Variants in SMG1 observed in about 807,000 individuals in gnomAD.
SMG1 encodes the protein SMG1 nonsense mediated mRNA decay associated PI3K related kinase.
SMG1 carries 22 observed loss-of-function variants against 419.9 expected under a neutral mutation model. The observed-to-expected ratio is 0.05, with a 90% CI of 0.04 to 0.07. The LOEUF (loss-of-function observed/expected upper bound fraction) is 0.07, where lower values mean the gene tolerates loss of function less well. SMG1 is among the 10% of genes least tolerant of loss of function. SMG1 has a pLI of 1.00. For missense variants in SMG1, 3,185 were observed against 4,342.0 expected (o/e 0.73, Z 7.49); for synonymous variants, 1,538 against 1,553.5 (o/e 0.99, Z 0.23).
At chr16:18,864,217 T>C (rs35499306) in intron 23 of SMG1, 73 bp from the exon 24 acceptor site, 5 of 1,250,938 alleles carry the variant, frequency 4.0e-6, no homozygotes, top group Non-Finnish European at 5.3e-6. Context: ...TTTTTTGTGA[T>C]GAAGTTTTGC....
intron 1 of SMG1, among the ~76,000 whole-genome samples, chr16:18,909,848 C>T (rs1373015090): frequency 1.3e-5 from 2 of 151,980 alleles, no homozygotes; most frequent in African/African-American, 4.8e-5. Context: ...GTATAAGACA[C>T]CTAGGAAACT....
chr16:18,882,049 TAC>T, intron 10 of SMG1, 114 bp downstream of exon 10: 1 of 666,130 alleles, frequency 1.5e-6, no homozygotes, highest in Non-Finnish European at 2.4e-6. Flanking sequence ...TATACATACA[TAC>T]ATACATGCTA....
intron 3 of SMG1, among the ~76,000 whole-genome samples, chr16:18,893,925 C>T (rs1296603382): frequency 2.6e-5 from 4 of 151,840 alleles, no homozygotes; most frequent in Non-Finnish European, 5.9e-5. Flanking sequence ...GGCGTGGTGG[C>T]GCGCTCCTGT....
chr16:18,921,411 TTTTA>T (rs1344030685), intron 1 of SMG1, among the ~76,000 whole-genome samples: 2 of 152,142 alleles, frequency 1.3e-5, no homozygotes, highest in African/African-American at 4.8e-5. Flanking sequence ...TATTTTTCAT[TTTTA>T]TTTTTTAGTT....
chr16:18,839,861 A>G lies in SMG1; in HGVS notation c.6782T>C (p.Leu2261Ser). ...ATCCAGGCTAAGCCCAACTGTTTTCAAAGCAGGGCCAATTTTACTGTAATA... is the reference window on the plus strand; with the variant it reads ...ATCCAGGCTAAGCCCAACTGTTTTCGAAGCAGGGCCAATTTTACTGTAATA... ...ELYYSKIGPA[L>S]KTVGLSLDVS... The change falls in exon 42 of 63, where the codon TTG becomes TCG. Residue 2261 changes from leucine to serine, a missense_variant. Physicochemically the swap from Leu to Ser is moderately radical, Grantham distance 145 (BLOSUM62 -2). This residue lies in a region of SMG1 where 132 missense variants were observed against 151.0 expected (regional missense o/e 0.87). Coordinates refer to ENST00000446231, the MANE Select transcript of SMG1 (RefSeq NM_015092.5). 1 of 1,613,520 alleles carries G rather than the reference A, an allele frequency of 6.2e-7. No homozygotes were observed. Among genetic ancestry groups the G allele is most frequent in the Non-Finnish European group, 8.5e-7 (1 of 1,179,622 alleles).
intron 6 of SMG1, among the ~76,000 whole-genome samples, chr16:18,886,513 T>A (rs1325040325): frequency 6.6e-6 from 1 of 152,130 alleles, no homozygotes; most frequent in Non-Finnish European, 1.5e-5. Context: ...CAGAAAACCA[T>A]CATTTTAGGC....
At chr16:18,818,880 G>A (rs910386115) in intron 56 of SMG1, among the ~76,000 whole-genome samples, 7 of 143,582 alleles carry the variant, frequency 4.9e-5, no homozygotes, top group Non-Finnish European at 9.0e-5. Flanking sequence ...TCAGTGGCAC[G>A]ATCTTGGATC....
At chr16:18,892,175 G>A (rs1434832768) in intron 4 of SMG1, 43 bp downstream of exon 4, 2 of 1,333,630 alleles carry the variant, frequency 1.5e-6, no homozygotes, top group East Asian at 2.5e-5. Context: ...AGTTTATTAT[G>A]GAAACACAAA....
rs763379493 is a variant in SMG1 at position 18,809,600 on chromosome 16, T to C, written c.10955A>G (p.Gln3652Arg). The change falls in exon 63 of 63, where the codon CAG becomes CGG. Residue 3652 changes from glutamine to arginine, a missense_variant. Transcript: ENST00000446231. Reference sequence around the variant, plus strand: ...CCAGGCTGTCCAACCTTCATACAGCTGAGCCAAGTTATCTAGATTAGTTGC... The same window carrying C: ...CCAGGCTGTCCAACCTTCATACAGCCGAGCCAAGTTATCTAGATTAGTTGC... Reference protein sequence around the residue: ...KEATNLDNLAQLYEGWTAWV With the variant: ...KEATNLDNLARLYEGWTAWV 6 of 1,611,882 alleles carry C rather than the reference T, an allele frequency of 3.7e-6. No homozygotes were observed. Among genetic ancestry groups the C allele is most frequent in the Non-Finnish European group, 5.1e-6 (6 of 1,178,976 alleles).
intron 51 of SMG1, among the ~76,000 whole-genome samples, chr16:18,832,211 T>G (rs2033233681): frequency 6.6e-6 from 1 of 151,840 alleles, no homozygotes; most frequent in African/African-American, 2.4e-5. Flanking sequence ...AATTAGACAT[T>G]GGAACGCCAA....
chr16:18,841,942 G>T, intron 40 of SMG1, 148 bp from the exon 41 acceptor site: 1 of 751,082 alleles, frequency 1.3e-6, no homozygotes, highest in Non-Finnish European at 2.2e-6. Context: ...TTTGGGACAA[G>T]ATATTGGCAG....
rs1204223638 is a variant in SMG1 at position 18,854,637 on chromosome 16, C to T, written c.4483+19G>A. On this transcript the variant is annotated intron_variant, in intron 30 of 62. Transcript: ENST00000446231. ...ATTTTTATTATACTCATGTATTAACCATAATTAATTTTACTAACCTGCTGT... is the reference window on the plus strand; with the variant it reads ...ATTTTTATTATACTCATGTATTAACTATAATTAATTTTACTAACCTGCTGT... 1.9e-6 allele frequency: 3 copies of T among 1,602,774 alleles called. No homozygotes were observed. The highest frequency in any genetic ancestry group is 2.6e-6 in the Non-Finnish European group (3 of 1,173,894).
rs1250703615 is a variant in SMG1, at chr16:18,809,656, TAGGC to T, written c.10909-14_10909-11del. 1 of 1,581,270 alleles carries T rather than the reference TAGGC, an allele frequency of 6.3e-7. No homozygotes were observed. Among genetic ancestry groups the T allele is most frequent in the Non-Finnish European group, 8.6e-7 (1 of 1,158,498 alleles). ...TAATGACATAGTCAACCTGTAAAAATAGGCAGGATAGTATGTAAAGTCATTTAAA... is the reference window on the plus strand; with the variant it reads ...TAATGACATAGTCAACCTGTAAAAATAGGATAGTATGTAAAGTCATTTAAA... On this transcript the variant is annotated splice_polypyrimidine_tract_variant and intron_variant, in intron 62 of 62. Transcript: ENST00000446231.
rs2141411496 is a variant in SMG1 at position 18,853,828 on chromosome 16, G to A, written c.4523C>T (p.Ala1508Val). Residue 1508 changes from alanine (A) to valine (V), a missense_variant, in exon 31 of 63, where the codon GCC becomes GTC. Physicochemically the swap from Ala to Val is moderately conservative, Grantham distance 64. Around this residue, in one of 27 missense-constraint regions of SMG1, gnomAD observed 493 missense variants for 552.9 expected, o/e 0.89. Coordinates refer to ENST00000446231, the MANE Select transcript of SMG1 (RefSeq NM_015092.5). ...THAMEMLSSCAISFCKSVKAE... is the reference protein window; with the variant it reads ...THAMEMLSSCVISFCKSVKAE... ...TTTCACAGACTTGCAGAAAGATATGGCACAAGAACTCAACATTTCCATTGC... is the reference window on the plus strand; with the variant it reads ...TTTCACAGACTTGCAGAAAGATATGACACAAGAACTCAACATTTCCATTGC... 6.2e-7 allele frequency: 1 copy of A among 1,613,100 alleles called. No homozygotes were observed. The highest frequency in any genetic ancestry group is 2.2e-5 in the East Asian group (1 of 44,864).
chr16:18,829,024 T>A (rs1214417691), intron 54 of SMG1, among the ~76,000 whole-genome samples: 6 of 150,640 alleles, frequency 4.0e-5, no homozygotes, highest in African/African-American at 1.2e-4. Context: ...CAATATTTAA[T>A]ACAGATCATG....
At chr16:18,893,744 T>C (rs2036988210) in intron 3 of SMG1, among the ~76,000 whole-genome samples, 1 of 151,306 alleles carries the variant, frequency 6.6e-6, no homozygotes, top group South Asian at 2.1e-4. Context: ...TTCTAAGGTA[T>C]GAGAAAACAT....
At chr16:18,862,330 C>G (rs2035259735) in intron 25 of SMG1, among the ~76,000 whole-genome samples, 1 of 152,150 alleles carries the variant, frequency 6.6e-6, no homozygotes, top group African/African-American at 2.4e-5. Context: ...CTGACCCAGG[C>G]CTGCCTTTCT....
At chr16:18,874,191 T>G (rs2035979580) in intron 13 of SMG1, among the ~76,000 whole-genome samples, 1 of 152,068 alleles carries the variant, frequency 6.6e-6, no homozygotes, top group Non-Finnish European at 1.5e-5. Flanking sequence ...CAGACTGGAG[T>G]GCAGTGGTGT....
rs752833645 is a variant in SMG1 at position 18,836,146 on chromosome 16, T to C, written c.7844A>G (p.Gln2615Arg). 1.9e-6 allele frequency: 3 copies of C among 1,611,274 alleles called. No homozygotes were observed. The highest frequency in any genetic ancestry group is 2.5e-6 in the Non-Finnish European group (3 of 1,178,706). ...QNAGQAHLIS[Q>R]CEQLEGEVGA... ...AACCTCCCCCTCCAGCTGCTCGCAC[T>C]GGCTAATCAAGTGGGCCTGACCAGC... The change falls in exon 48 of 63, where the codon CAG (glutamine) becomes CGG (arginine). Residue 2615 changes from glutamine to arginine, a missense_variant. Transcript: ENST00000446231.
Sources: allele counts gnomAD v4.1 joint callset (sites outside exome capture counted in the v4.1 genomes callset), GRCh38; gene constraint gnomAD v4.1.1; regional missense constraint gnomAD v4.1.1; transcripts MANE v1.5; gene names NCBI Gene and HGNC (gene_info 2026-07-23, HGNC 2026-07-21).